Variants in AUTS2 observed in about 807,000 individuals in gnomAD.
AUTS2 encodes the protein activator of transcription and developmental regulator AUTS2, also known as autism susceptibility gene 2 protein.
A neutral mutation model predicts 112.4 loss-of-function variants in AUTS2; 17 were observed. The ratio of observed to expected loss-of-function variants is 0.15; its 90% CI spans 0.10 to 0.23. The LOEUF (loss-of-function observed/expected upper bound fraction) is 0.23, where lower values mean the gene tolerates loss of function less well. AUTS2 is among the 10% of genes least tolerant of loss of function. The probability of loss-of-function intolerance (pLI) is 1.00; values close to 1 mark genes in which losing one functional copy is unlikely to be tolerated. For missense variants in AUTS2, 1,510 were observed against 1,701.6 expected, an observed-to-expected ratio of 0.89 and a Z score of 1.98; for synonymous variants, 751 against 702.7, an observed-to-expected ratio of 1.07 and a Z score of -1.09.
At chr7:70,219,372 A>G (rs1256874027) in intron 4 of AUTS2, among the ~76,000 whole-genome samples, 2 of 152,190 alleles carry the variant, frequency 1.3e-5, no homozygotes, top group African/African-American at 4.8e-5. Context: ...ACTGTCGCTC[A>G]TGCGTTCTCC....
At chr7:70,162,933 C>T (rs555053207) in intron 4 of AUTS2, among the ~76,000 whole-genome samples, 1 of 152,096 alleles carries the variant, frequency 6.6e-6, no homozygotes, top group East Asian at 1.9e-4. Flanking sequence ...TTTCATGATA[C>T]TGAATTGAAC....
At chr7:69,730,747 C>T (rs1413293800) in intron 1 of AUTS2, among the ~76,000 whole-genome samples, 2 of 152,126 alleles carry the variant, frequency 1.3e-5, no homozygotes, top group Admixed American at 6.5e-5. Flanking sequence ...AATATGTGTG[C>T]ACCATCATTT....
chr7:69,961,158 CT>C (rs2129546970), intron 2 of AUTS2, among the ~76,000 whole-genome samples: 1 of 152,182 alleles, frequency 6.6e-6, no homozygotes, highest in East Asian at 1.9e-4. Flanking sequence ...TTTGTAAAAT[CT>C]TTACATTTTG....
At chr7:70,384,121 A>G (rs933414646) in intron 4 of AUTS2, among the ~76,000 whole-genome samples, 1 of 152,102 alleles carries the variant, frequency 6.6e-6, no homozygotes, top group African/African-American at 2.4e-5. Flanking sequence ...GTCCCTCCCC[A>G]CCGCCCCTCC....
At chr7:69,971,314 A>G (rs1024569917) in intron 2 of AUTS2, among the ~76,000 whole-genome samples, 3 of 152,206 alleles carry the variant, frequency 2.0e-5, no homozygotes, top group Non-Finnish European at 2.9e-5. Flanking sequence ...TTGAAACTCA[A>G]TTGAATTGTT....
In AUTS2 at chr7:69,996,946, T is replaced by TAAAAAA. The variant is rs1161825217; in HGVS notation, c.522+97461_522+97466dup. ...CTTTTTCGAAATAACCTGGAACACTTAAAAAAAAAAAAAAAAAAGCAAACT... is the reference window on the plus strand; with the variant it reads ...CTTTTTCGAAATAACCTGGAACACTTAAAAAAAAAAAAAAAAAAAAAAAAGCAAACT... On this transcript the variant is annotated intron_variant, in intron 2 of 18. Transcript: ENST00000342771. 2.6e-4 allele frequency among the ~76,000 whole-genome samples: 26 copies of TAAAAAA among 99,038 alleles called. 1 individual carries two copies. Among genetic ancestry groups the TAAAAAA allele is most frequent in the African/African-American group, 7.9e-4 (19 of 24,058 alleles). The allele number at this position is 99,038 out of a possible 152,430, so 65.0% of individuals were successfully genotyped here. A position where few individuals can be genotyped will look rare whatever the true frequency, so the allele number is the denominator to read the frequency against.
chr7:69,722,213 G>C (rs1798993055), intron 1 of AUTS2, among the ~76,000 whole-genome samples: 1 of 151,884 alleles, frequency 6.6e-6, no homozygotes, highest in African/African-American at 2.4e-5. Flanking sequence ...TTGTGTATAG[G>C]TGGTGGCTAT....
At chr7:70,401,229 C>A (rs1027445217) in intron 4 of AUTS2, among the ~76,000 whole-genome samples, 7 of 152,178 alleles carry the variant, frequency 4.6e-5, no homozygotes, top group African/African-American at 1.7e-4. Context: ...ATTGCACACA[C>A]CTGCTCCCCT....
At chr7:69,958,832 A>G (rs997639999) in intron 2 of AUTS2, among the ~76,000 whole-genome samples, 1 of 152,164 alleles carries the variant, frequency 6.6e-6, no homozygotes, top group Non-Finnish European at 1.5e-5. Flanking sequence ...GGTAGGCAGT[A>G]TGACTGGATT....
chr7:70,294,965 C>G (rs1297884902), intron 4 of AUTS2, among the ~76,000 whole-genome samples: 4 of 152,154 alleles, frequency 2.6e-5, no homozygotes. Flanking sequence ...TAGTTTACTC[C>G]TCTAAATTTA....
intron 4 of AUTS2, chr7:70,293,236 G>A (rs1344642951): frequency 6.6e-6 from 1 of 152,156 alleles, no homozygotes; most frequent in African/African-American, 2.4e-5. Flanking sequence ...GTCTTCCTGG[G>A]GGATACTTTG....
At chr7:70,617,968 A>G (rs941815102) in intron 5 of AUTS2, among the ~76,000 whole-genome samples, 6 of 152,172 alleles carry the variant, frequency 3.9e-5, no homozygotes, top group African/African-American at 1.4e-4. Context: ...ATCTCCAGAA[A>G]ATGTATTCCC....
intron 1 of AUTS2, among the ~76,000 whole-genome samples, chr7:69,872,578 C>A (rs759000422): frequency 6.6e-6 from 1 of 151,962 alleles, no homozygotes; most frequent in Non-Finnish European, 1.5e-5. Flanking sequence ...TTTTTTCTCC[C>A]GAATTATACA....
At chr7:69,821,640 TTG>T (rs1790997706) in intron 1 of AUTS2, among the ~76,000 whole-genome samples, 2 of 152,158 alleles carry the variant, frequency 1.3e-5, no homozygotes, top group Non-Finnish European at 2.9e-5. Flanking sequence ...TGCAGCTTCA[TTG>T]CTGAAGTCAG....
chr7:70,114,982 A>G (rs1470827780), intron 2 of AUTS2, among the ~76,000 whole-genome samples: 1 of 152,100 alleles, frequency 6.6e-6, no homozygotes, highest in East Asian at 1.9e-4. Flanking sequence ...TTGGAGGAGA[A>G]GGGGGTGGTG....
intron 4 of AUTS2, among the ~76,000 whole-genome samples, chr7:70,366,926 A>G (rs1792598015): frequency 6.6e-6 from 1 of 152,152 alleles, no homozygotes; most frequent in African/African-American, 2.4e-5. Context: ...TACCTGTGGA[A>G]CATCCAAGTG....
intron 1 of AUTS2, among the ~76,000 whole-genome samples, chr7:69,770,078 T>C (rs560737849): frequency 6.6e-6 from 1 of 152,310 alleles, no homozygotes; most frequent in Non-Finnish European, 1.5e-5. Context: ...CAGTTAAGGG[T>C]AAGGAAGTGT....
At chr7:70,445,584 T>G (rs757872616) in intron 5 of AUTS2, among the ~76,000 whole-genome samples, 2 of 152,192 alleles carry the variant, frequency 1.3e-5, no homozygotes, top group Non-Finnish European at 2.9e-5. Context: ...AATGCAGTTA[T>G]CCAAGGTGAG....
chr7:69,774,723 G>C (rs1788819377), intron 1 of AUTS2, among the ~76,000 whole-genome samples: 1 of 152,336 alleles, frequency 6.6e-6, no homozygotes, highest in South Asian at 2.1e-4. Context: ...AGTGTACTTA[G>C]AGCAGGTACT....
Sources: allele counts gnomAD v4.1 joint callset (sites outside exome capture counted in the v4.1 genomes callset), GRCh38; gene constraint gnomAD v4.1.1; transcripts MANE v1.5; gene names NCBI Gene and HGNC (gene_info 2026-07-23, HGNC 2026-07-21).